IRS4: variants seen among roughly 807,000 people sequenced by gnomAD.
The protein encoded by IRS4 is insulin receptor substrate 4, also known as 160 kDa phosphotyrosine protein.
IRS4 carries 15 observed loss-of-function variants against 48.6 expected under a neutral mutation model. The observed-to-expected ratio is 0.31, with a 90% CI of 0.21 to 0.48. The LOEUF (loss-of-function observed/expected upper bound fraction) is 0.48. Among genes scored for constraint, IRS4 ranks in the 20% least tolerant of loss-of-function variants. The pLI is 0.99. For missense variants in IRS4, 987 were observed against 1,023.4 expected (o/e 0.96, Z 0.49); for synonymous variants, 459 against 413.2 (o/e 1.11, Z -1.34).
chrX:108,736,408 G>A lies in IRS4; in HGVS notation c.-64C>T. The A allele has an allele frequency of 1.7e-6, 2 of 1,197,045 alleles. No homozygotes were observed. The highest frequency in any genetic ancestry group is 1.7e-5 in the African/African-American group (1 of 57,557). Reference sequence around the variant, plus strand: ...GGGAATTCAGGAAAGGGAGGGTTGGGGGAAGAGGCTGTCTACCCTCGTCTG... The same window carrying A: ...GGGAATTCAGGAAAGGGAGGGTTGGAGGAAGAGGCTGTCTACCCTCGTCTG... On this transcript the variant is annotated 5_prime_UTR_variant, in exon 1 of 2. Transcript: ENST00000372129.
At position 108,733,175 on chromosome X, in the gene IRS4, T is replaced by C; in HGVS notation, c.3170A>G (p.Asp1057Gly). The C allele has an allele frequency of 8.3e-7, 1 of 1,210,996 alleles. No homozygotes were observed. Among genetic ancestry groups the C allele is most frequent in the Non-Finnish European group, 1.1e-6 (1 of 894,924 alleles). Residue 1057 changes from aspartate (D) to glycine (G), a missense_variant, in exon 1 of 2, where the codon GAT becomes GGT. This residue lies in a region of IRS4 where 720 missense variants were observed against 660.3 expected (regional missense o/e 1.09). Transcript: ENST00000372129. ...ACATCGGCTGGGGGAGAGAGAAATA[T>C]CCATACAGCACTCAGAAAATGGGTC... is the stretch of plus-strand genomic sequence containing the variant. ...VVDPFSECCMDISLSPSRCSE... is the reference protein window; with the variant it reads ...VVDPFSECCMGISLSPSRCSE...
In IRS4 at chrX:108,721,166, A is replaced by G. The variant is rs2068854684; in HGVS notation, c.*1353T>C. ...TACACACACACACTAGTGCTCACAC[A>G]CATACAAACACACCCAACTGTGATA... On this transcript the variant is annotated 3_prime_UTR_variant, in exon 2 of 2. Transcript: ENST00000372129. 1 of 112,540 alleles carries G rather than the reference A, an allele frequency of 8.9e-6. No individual in the cohort carries two copies. The highest frequency in any genetic ancestry group is 1.9e-5 in the Non-Finnish European group (1 of 53,315). 9.3% of individuals were successfully genotyped at this position (112,540 alleles called of 1,213,427 possible). A position where few individuals can be genotyped will look rare whatever the true frequency, so the allele number is the denominator to read the frequency against.
chrX:108,736,247 G>T lies in IRS4; in HGVS notation c.98C>A (p.Pro33Gln), dbSNP rs1222773122. ...GGTCGGGGTTCCCGAGGAAAGAAGCGGGGTGGTCACCACTGCTGCTAGAGC... is the reference window on the plus strand; with the variant it reads ...GGTCGGGGTTCCCGAGGAAAGAAGCTGGGTGGTCACCACTGCTGCTAGAGC... ...AAALAAVVTTPLLSSGTPTAL... is the reference protein window; with the variant it reads ...AAALAAVVTTQLLSSGTPTAL... Residue 33 changes from proline to glutamine, a missense_variant, in exon 1 of 2, where the codon CCG becomes CAG. This residue lies in a region of IRS4 where 173 missense variants were observed against 208.9 expected (regional missense o/e 0.83). Transcript: ENST00000372129. 1.7e-6 allele frequency: 2 copies of T among 1,211,002 alleles called. No individual in the cohort carries two copies. The highest frequency in any genetic ancestry group is 2.2e-6 in the Non-Finnish European group (2 of 895,376).
Position 108,734,788 on chromosome X carries a change from T to A in IRS4, c.1557A>T (p.Gly519=). ...GQGSSSHSSG[G]NQCSGEGQGS... ...CCTGTCCCTCGCCTGAACACTGGTT[T>A]CCTCCCGAGCTATGGCTACTGGAGC... The change falls in exon 1 of 2, where the codon GGA becomes GGT. Residue 519 remains glycine, a synonymous_variant. Transcript: ENST00000372129. 8.3e-7 allele frequency: 1 copy of A among 1,210,920 alleles called. No individual in the cohort carries two copies. The highest frequency in any genetic ancestry group is 3.0e-5 in the East Asian group (1 of 33,796).
chrX:108,720,224 A>G lies in IRS4; in HGVS notation c.*2295T>C, dbSNP rs1394762302. 1 of 112,481 alleles carries G rather than the reference A, an allele frequency of 8.9e-6. No homozygotes were observed. The highest frequency in any genetic ancestry group is 3.2e-5 in the African/African-American group (1 of 30,993). 9.3% of individuals were successfully genotyped at this position (112,481 alleles called of 1,213,427 possible). A position where few individuals can be genotyped will look rare whatever the true frequency, so the allele number is the denominator to read the frequency against. On this transcript the variant is annotated 3_prime_UTR_variant, in exon 2 of 2. Coordinates refer to ENST00000372129, the MANE Select transcript of IRS4 (RefSeq NM_001379150.1). Reference sequence around the variant, plus strand: ...TAACGACCAAGTGACTATGCCTGATATCAAATTAAATGTAGAGGTCACACA... The same window carrying G: ...TAACGACCAAGTGACTATGCCTGATGTCAAATTAAATGTAGAGGTCACACA...
In IRS4 at chrX:108,720,506, C is replaced by G. The variant is rs756175201; in HGVS notation, c.*2013G>C. On this transcript the variant is annotated 3_prime_UTR_variant, in exon 2 of 2. Coordinates refer to ENST00000372129, the MANE Select transcript of IRS4 (RefSeq NM_001379150.1). ...TCATTCATTTATTCAGCAACTGTTACATCTGTGCTGTACCCTCTGTACCCT... is the reference window on the plus strand; with the variant it reads ...TCATTCATTTATTCAGCAACTGTTAGATCTGTGCTGTACCCTCTGTACCCT... The G allele has an allele frequency of 6.2e-5, 7 of 112,076 alleles. No homozygotes were observed. The highest frequency in any genetic ancestry group is 1.3e-4 in the Non-Finnish European group (7 of 53,306). The allele number at this position is 112,076 out of a possible 1,213,427, so 9.2% of individuals were successfully genotyped here.
chrX:108,736,272 C>A lies in IRS4; in HGVS notation c.73G>T (p.Ala25Ser), dbSNP rs768319836. 8.3e-7 allele frequency: 1 copy of A among 1,210,799 alleles called. No individual in the cohort carries two copies. Among genetic ancestry groups the A allele is most frequent in the Admixed American group, 2.2e-5 (1 of 46,066 alleles). Reference protein sequence around the residue: ...LRGAAAAAAAALAAVVTTPLL... With the variant: ...LRGAAAAAAASLAAVVTTPLL... ...GGGGTGGTCACCACTGCTGCTAGAGCTGCCGCTGCCGCCGCTGCTGCACCT... is the reference window on the plus strand; with the variant it reads ...GGGGTGGTCACCACTGCTGCTAGAGATGCCGCTGCCGCCGCTGCTGCACCT... The change falls in exon 1 of 2, where the codon GCT (alanine) becomes TCT (serine). Residue 25 changes from alanine (A) to serine (S), a missense_variant. By Grantham distance (99) the Ala-to-Ser change is moderately conservative (BLOSUM62 1). Around this residue, in one of 4 missense-constraint regions of IRS4, gnomAD observed 173 missense variants for 208.9 expected, o/e 0.83. Transcript: ENST00000372129.
rs188649523 is a variant in IRS4 at position 108,720,968 on chromosome X, C to T, written c.*1551G>A. 12 of 112,966 alleles carry T rather than the reference C, an allele frequency of 1.1e-4. No homozygotes were observed. The East Asian group carries it at 3.3e-3, about 31-fold the overall frequency. 9.3% of individuals were successfully genotyped at this position (112,966 alleles called of 1,213,427 possible). On this transcript the variant is annotated 3_prime_UTR_variant, in exon 2 of 2. Transcript: ENST00000372129. ...ATAAGCTTGCTTGAAGATAGAAGTA[C>T]ACGTTCAAAGACATTAAAACCAAGT...
Position 108,736,501 on chromosome X carries a change from G to T in IRS4, c.-157C>A. The stretch of plus-strand genomic sequence containing the variant: ...CTCCACTCTGAGCGCACGACAGCGG[G>T]CAAAACAACACGTGACCACAGCCTC... On this transcript the variant is annotated 5_prime_UTR_variant, in exon 1 of 2. Transcript: ENST00000372129. 1.1e-6 allele frequency: 1 copy of T among 894,774 alleles called. No individual in the cohort carries two copies. Among genetic ancestry groups the T allele is most frequent in the Non-Finnish European group, 1.6e-6 (1 of 644,463 alleles). 73.7% of individuals were successfully genotyped at this position (894,774 alleles called of 1,213,427 possible).
rs1569511036 is a variant in IRS4, at chrX:108,733,369, A to C, written c.2976T>G (p.Ser992Arg). 8.3e-7 allele frequency: 1 copy of C among 1,211,845 alleles called. No individual in the cohort carries two copies. The highest frequency in any genetic ancestry group is 3.0e-5 in the East Asian group (1 of 33,827). ...IPRANPLSLD[S>R]ARWPLPPLPL... is the part of the protein sequence containing the mutation. ...GAAGGGGAGGAAGTGGCCACCTAGC[A>C]CTGTCCAGAGATAAGGGGTTGGCAC... Residue 992 changes from serine (S) to arginine (R), a missense_variant, in exon 1 of 2, where the codon AGT becomes AGG. Around this residue, in one of 4 missense-constraint regions of IRS4, gnomAD observed 720 missense variants for 660.3 expected, o/e 1.09. Transcript: ENST00000372129.
In IRS4 at chrX:108,733,185, A is replaced by G; in HGVS notation, c.3160T>C (p.Cys1054Arg). 8.3e-7 allele frequency: 1 copy of G among 1,211,638 alleles called. No individual in the cohort carries two copies. The highest frequency in any genetic ancestry group is 1.1e-6 in the Non-Finnish European group (1 of 895,344). Reference sequence around the variant, plus strand: ...GGGGAGAGAGAAATATCCATACAGCACTCAGAAAATGGGTCGACCACATAG... The same window carrying G: ...GGGGAGAGAGAAATATCCATACAGCGCTCAGAAAATGGGTCGACCACATAG... The part of the protein sequence containing the change: ...RIYVVDPFSE[C>R]CMDISLSPSR... Residue 1054 changes from cysteine to arginine, a missense_variant, in exon 1 of 2, where the codon TGC (cysteine) becomes CGC (arginine). Cys to Arg is a radical substitution (Grantham distance 180). Around this residue, in one of 4 missense-constraint regions of IRS4, gnomAD observed 720 missense variants for 660.3 expected, o/e 1.09. Coordinates refer to ENST00000372129, the MANE Select transcript of IRS4 (RefSeq NM_001379150.1).
At chrX:108,726,343 G>T (rs2148014190) in intron 1 of IRS4, 1 of 111,749 alleles carries the variant, frequency 8.9e-6, no homozygotes, top group African/African-American at 3.3e-5. Flanking sequence ...AGGAATATAT[G>T]TCTTCCAGCC....
At chrX:108,728,884 G>C (rs757799803) in intron 1 of IRS4, among the ~76,000 whole-genome samples, 69 of 111,417 alleles carry the variant, frequency 6.2e-4, no homozygotes, top group Non-Finnish European at 1.2e-3. Context: ...TTAAAGTTCT[G>C]GTCCTTGTTT....
chrX:108,720,668 A>T lies in IRS4; in HGVS notation c.*1851T>A, dbSNP rs957888619. On this transcript the variant is annotated 3_prime_UTR_variant, in exon 2 of 2. Transcript: ENST00000372129. ...AATAAAATGGTGACAGAAGGCTTGA[A>T]AAAAAGTTGCCTAAAGAGCGCGTTG... is the stretch of plus-strand genomic sequence containing the variant. 1.8e-5 allele frequency: 2 copies of T among 112,246 alleles called. No individual in the cohort carries two copies. Among genetic ancestry groups the T allele is most frequent in the African/African-American group, 6.5e-5 (2 of 30,866 alleles). The allele number at this position is 112,246 out of a possible 1,213,427, so 9.3% of individuals were successfully genotyped here. A position where few individuals can be genotyped will look rare whatever the true frequency, so the allele number is the denominator to read the frequency against.
At position 108,733,533 on chromosome X, in the gene IRS4, T is replaced by C. The variant is rs775385895; in HGVS notation, c.2812A>G (p.Thr938Ala). ...KRESNTPAPS[T>A]QGLPDSWGII... ...CCCCACGAATCTGGTAGTCCTTGAGTAGAGGGAGCTGGTGTATTGCTCTCT... is the reference window on the plus strand; with the variant it reads ...CCCCACGAATCTGGTAGTCCTTGAGCAGAGGGAGCTGGTGTATTGCTCTCT... Residue 938 changes from threonine to alanine, a missense_variant, in exon 1 of 2, where the codon ACT becomes GCT. Physicochemically the swap from Thr to Ala is moderately conservative, Grantham distance 58. This residue lies in a region of IRS4 where 720 missense variants were observed against 660.3 expected (regional missense o/e 1.09). Coordinates refer to ENST00000372129, the MANE Select transcript of IRS4 (RefSeq NM_001379150.1). 8.3e-7 allele frequency: 1 copy of C among 1,210,230 alleles called. No individual in the cohort carries two copies. The highest frequency in any genetic ancestry group is 1.7e-5 in the African/African-American group (1 of 57,386).
At chrX:108,730,286 TCACCACCATCAACACCAC>T (rs1569510848) in intron 1 of IRS4, among the ~76,000 whole-genome samples, 3 of 109,661 alleles carry the variant, frequency 2.7e-5, no homozygotes, top group Admixed American at 9.8e-5. Flanking sequence ...ATGGGTTGTT[TCACCACCATCAACACCAC>T]CACCACCACC....
chrX:108,733,232 T>C lies in IRS4; in HGVS notation c.3113A>G (p.Tyr1038Cys). 8.3e-7 allele frequency: 1 copy of C among 1,211,794 alleles called. No homozygotes were observed. The highest frequency in any genetic ancestry group is 1.1e-6 in the Non-Finnish European group (1 of 895,508). Residue 1038 changes from tyrosine (Y) to cysteine (C), a missense_variant, in exon 1 of 2, where the codon TAT becomes TGT. Physicochemically the swap from Tyr to Cys is radical, Grantham distance 194 (BLOSUM62 -2). This residue lies in a region of IRS4 where 720 missense variants were observed against 660.3 expected (regional missense o/e 1.09). Coordinates refer to ENST00000372129, the MANE Select transcript of IRS4 (RefSeq NM_001379150.1). Reference protein sequence around the residue: ...AMALADSAIRYDAETGRIYVV... With the variant: ...AMALADSAIRCDAETGRIYVV... ...ATAGATTCGACCTGTTTCAGCATCATAGCGAATGGCACTGTCAGCAAGAGC... is the reference window on the plus strand; with the variant it reads ...ATAGATTCGACCTGTTTCAGCATCACAGCGAATGGCACTGTCAGCAAGAGC...
chrX:108,732,875 G>A lies in IRS4; in HGVS notation c.3470C>T (p.Ser1157Phe), dbSNP rs777271537. 8.5e-6 allele frequency: 10 copies of A among 1,169,664 alleles called. No homozygotes were observed. In the South Asian group the frequency reaches 2.0e-4, roughly 23 times the overall value. The change falls in exon 1 of 2, where the codon TCC (serine) becomes TTC (phenylalanine). Residue 1157 changes from serine to phenylalanine, a missense_variant. Coordinates refer to ENST00000372129, the MANE Select transcript of IRS4 (RefSeq NM_001379150.1). ...AGGTTGAAACCAGCGGGCAGAGGCG[G>A]AGTCAAATCCAGCAGCTGCGGCTGC... ...GAAAAAAGFD[S>F]ASARWFQPVA...
chrX:108,726,228 C>T (rs2068874519), intron 1 of IRS4: 1 of 112,009 alleles, frequency 8.9e-6, no homozygotes, highest in African/African-American at 3.2e-5. Context: ...CTAGATATGC[C>T]TATATTTAAC....
Sources: allele counts gnomAD v4.1 joint callset (sites outside exome capture counted in the v4.1 genomes callset), GRCh38; gene constraint gnomAD v4.1.1; regional missense constraint gnomAD v4.1.1; transcripts MANE v1.5; gene names NCBI Gene and HGNC (gene_info 2026-07-23, HGNC 2026-07-21).